VCL: variants seen among roughly 807,000 people sequenced by gnomAD.
VCL encodes vinculin.
In VCL, 47 loss-of-function variants were observed where a neutral mutation model predicts 125.7. The observed-to-expected ratio is 0.37, with a 90% CI of 0.30 to 0.48. The LOEUF is 0.48. VCL is among the 20% of genes least tolerant of loss of function. The pLI, the probability that VCL is intolerant of heterozygous loss-of-function variation, is 0.99. For missense variants in VCL, 1,069 were observed against 1,455.5 expected, an observed-to-expected ratio of 0.73 and a Z score of 4.32; for synonymous variants, 458 against 514.6, an observed-to-expected ratio of 0.89 and a Z score of 1.49.
chr10:74,108,714 A>C (rs1470567578), intron 17 of VCL, among the ~76,000 whole-genome samples: 1 of 152,138 alleles, frequency 6.6e-6, no homozygotes, highest in African/African-American at 2.4e-5. Flanking sequence ...TCCTGACCTC[A>C]GGTGACCCAC....
intron 1 of VCL, among the ~76,000 whole-genome samples, chr10:74,034,384 C>T (rs1054210721): frequency 6.6e-6 from 1 of 152,098 alleles, no homozygotes; most frequent in Non-Finnish European, 1.5e-5. Context: ...CATATCTTGC[C>T]CTATTAACTA....
chr10:74,072,292 C>A (rs908873876), intron 4 of VCL, among the ~76,000 whole-genome samples: 13 of 152,062 alleles, frequency 8.5e-5, no homozygotes, highest in South Asian at 6.2e-4. Flanking sequence ...AATATGAAAA[C>A]AAAACATATC....
intron 1 of VCL, among the ~76,000 whole-genome samples, chr10:74,011,405 G>A (rs1478261177): frequency 1.3e-5 from 2 of 152,106 alleles, no homozygotes; most frequent in Admixed American, 1.3e-4. Flanking sequence ...ATTTCATATC[G>A]AATTTTCTTC....
intron 19 of VCL, among the ~76,000 whole-genome samples, chr10:74,113,766 G>C (rs1439822198): frequency 6.6e-6 from 1 of 152,116 alleles, no homozygotes; most frequent in Non-Finnish European, 1.5e-5. Flanking sequence ...CTATAGAAAT[G>C]AAAGTGCCTG....
At chr10:74,043,680 G>A (rs1422786999) in intron 2 of VCL, among the ~76,000 whole-genome samples, 2 of 152,092 alleles carry the variant, frequency 1.3e-5, no homozygotes, top group Non-Finnish European at 2.9e-5. Context: ...ATAAGACCAT[G>A]AGTTTTGAGT....
intron 10 of VCL, among the ~76,000 whole-genome samples, chr10:74,091,810 A>AAG (rs1554818004): frequency 1.1e-4 from 16 of 145,390 alleles, no homozygotes; most frequent in South Asian, 2.1e-4. Flanking sequence ...AAAAAAAAAA[A>AAG]AAAAGAAAAG....
At chr10:74,037,868 G>GATACA (rs1841011919) in intron 1 of VCL, among the ~76,000 whole-genome samples, 1 of 152,224 alleles carries the variant, frequency 6.6e-6, no homozygotes. Flanking sequence ...GATACAGTGA[G>GATACA]GGTCTCATGG....
chr10:73,998,244 C>G lies in VCL; in HGVS notation c.37C>G (p.Leu13Val). 6.2e-7 allele frequency: 1 copy of G among 1,612,870 alleles called. No individual in the cohort carries two copies. Among genetic ancestry groups the G allele is most frequent in the Non-Finnish European group, 8.5e-7 (1 of 1,179,506 alleles). Reference sequence around the variant, plus strand: ...TCATACGCGCACGATCGAGAGCATCCTGGAGCCGGTGGCACAGCAGATCTC... The same window carrying G: ...TCATACGCGCACGATCGAGAGCATCGTGGAGCCGGTGGCACAGCAGATCTC... ...VFHTRTIESI[L>V]EPVAQQISHL... The change falls in exon 1 of 22, where the codon CTG (leucine) becomes GTG (valine). Residue 13 changes from leucine to valine, a missense_variant. Coordinates refer to ENST00000211998, the MANE Select transcript of VCL (RefSeq NM_014000.3).
intron 13 of VCL, among the ~76,000 whole-genome samples, chr10:74,099,919 C>A (rs1235183323): frequency 6.6e-6 from 1 of 152,152 alleles, no homozygotes; most frequent in African/African-American, 2.4e-5. Flanking sequence ...ACACAGAACA[C>A]TGGCAATGAT....
intron 2 of VCL, among the ~76,000 whole-genome samples, chr10:74,067,508 C>G (rs1431752508): frequency 6.6e-6 from 1 of 152,106 alleles, no homozygotes; most frequent in Non-Finnish European, 1.5e-5. Flanking sequence ...TATAAACTAG[C>G]AATTCCTCCC....
At chr10:74,047,422 G>C (rs1440053299) in intron 2 of VCL, among the ~76,000 whole-genome samples, 1 of 152,212 alleles carries the variant, frequency 6.6e-6, no homozygotes, top group Non-Finnish European at 1.5e-5. Context: ...GACAGAGAAG[G>C]GGGAAACAGA....
At chr10:74,085,380 C>T (rs1250932425) in intron 8 of VCL, among the ~76,000 whole-genome samples, 1 of 152,092 alleles carries the variant, frequency 6.6e-6, no homozygotes, top group Non-Finnish European at 1.5e-5. Flanking sequence ...AGCGTGAAAA[C>T]ATTGGAATTA....
At position 74,090,008 on chromosome 10, in the gene VCL, C is replaced by T. The variant is rs115083446; in HGVS notation, c.1177-15C>T. ...AGTAGATCACAGCGTGCTGCTTCTCCGTTTCTATGTGTAGAACTGGCTTGC... is the reference window on the plus strand; with the variant it reads ...AGTAGATCACAGCGTGCTGCTTCTCTGTTTCTATGTGTAGAACTGGCTTGC... On this transcript the variant is annotated splice_polypyrimidine_tract_variant and intron_variant, in intron 9 of 21. Coordinates refer to ENST00000211998, the MANE Select transcript of VCL (RefSeq NM_014000.3). 6.6e-4 allele frequency: 1,064 copies of T among 1,614,108 alleles called. 2 individuals carry two copies. In the African/African-American group the frequency reaches 0.012, roughly 19 times the overall value.
Position 74,094,389 on chromosome 10 carries a change from G to C in VCL, c.1471G>C (p.Val491Leu). ...VANSRPAKAA[V>L]HLEGKIEQAQ... ...CAACAGCAGACCGGCCAAAGCAGCT[G>C]TACACCTTGAGGGCAAGATTGAGCA... The change falls in exon 11 of 22, where the codon GTA becomes CTA. Residue 491 changes from valine (V) to leucine (L), a missense_variant. Physicochemically the swap from Val to Leu is conservative, Grantham distance 32. Around this residue, in one of 6 missense-constraint regions of VCL, gnomAD observed 760 missense variants for 928.9 expected, o/e 0.82. Coordinates refer to ENST00000211998, the MANE Select transcript of VCL (RefSeq NM_014000.3). 6.2e-7 allele frequency: 1 copy of C among 1,614,154 alleles called. No homozygotes were observed. Among genetic ancestry groups the C allele is most frequent in the East Asian group, 2.2e-5 (1 of 44,884 alleles).
intron 1 of VCL, among the ~76,000 whole-genome samples, chr10:74,019,882 G>T (rs1281302274): frequency 2.6e-5 from 4 of 152,072 alleles, no homozygotes; most frequent in Non-Finnish European, 5.9e-5. Context: ...GGCCAAAATG[G>T]TGAAACCCTT....
rs1041639353 is a variant in VCL at position 74,103,119 on chromosome 10, C to T, written c.2023-701C>T. Among the ~76,000 whole-genome samples, 4 of 152,268 alleles carry T rather than the reference C, an allele frequency of 2.6e-5. No individual in the cohort carries two copies. The South Asian group carries it at 6.2e-4, about 24-fold the overall frequency. On this transcript the variant is annotated intron_variant, in intron 14 of 21. Coordinates refer to ENST00000211998, the MANE Select transcript of VCL (RefSeq NM_014000.3). ...CTGACCTCAAGTGATCCACCCGCCT[C>T]GGTCTCCCAAAGTGCTGGGATTATG...
chr10:74,101,010 G>C lies in VCL; in HGVS notation c.1935G>C (p.Glu645Asp). Residue 645 changes from glutamate to aspartate, a missense_variant, in exon 14 of 22, where the codon GAG becomes GAC. Physicochemically the swap from Glu to Asp is conservative, Grantham distance 45 (BLOSUM62 2). This residue lies in a region of VCL where 760 missense variants were observed against 928.9 expected (regional missense o/e 0.82). Coordinates refer to ENST00000211998, the MANE Select transcript of VCL (RefSeq NM_014000.3). ...CAGGAAAGCTTGGTGCTACGGCCGA[G>C]AAGGCGGCTGCGGTTGGTACTGCTA... is the stretch of plus-strand genomic sequence containing the variant. Reference protein sequence around the residue: ...NHSGKLGATAEKAAAVGTANK... With the variant: ...NHSGKLGATADKAAAVGTANK... 1 of 1,614,054 alleles carries C rather than the reference G, an allele frequency of 6.2e-7. No individual in the cohort carries two copies.
At chr10:74,114,434 T>TGCGTGTGTGTGTGTGTGC (rs60917222) in intron 20 of VCL, 47 bp downstream of exon 20, 1 of 1,416,636 alleles carries the variant, frequency 7.1e-7, no homozygotes, top group Admixed American at 1.8e-5. Context: ...TGTGTGTGTG[T>TGCGTGTGTGTGTGTGTGC]GTGCGTGTGT....
rs1302609872 is a variant in VCL at position 74,031,346 on chromosome 10, C to T, written c.169-11737C>T. Among the ~76,000 whole-genome samples the T allele has an allele frequency of 2.0e-5, 3 of 152,128 alleles. No individual in the cohort carries two copies. The East Asian group carries it at 5.8e-4, about 29-fold the overall frequency. On this transcript the variant is annotated intron_variant, in intron 1 of 21. Coordinates refer to ENST00000211998, the MANE Select transcript of VCL (RefSeq NM_014000.3). ...CCCTGTCTCTTCAGGGATCTGACTT[C>T]AGAAGAAATCTATTTCCTGCCTCTT... is the stretch of plus-strand genomic sequence containing the variant.
Sources: allele counts gnomAD v4.1 joint callset (sites outside exome capture counted in the v4.1 genomes callset), GRCh38; gene constraint gnomAD v4.1.1; regional missense constraint gnomAD v4.1.1; transcripts MANE v1.5; gene names NCBI Gene and HGNC (gene_info 2026-07-23, HGNC 2026-07-21).